The following SLC9A1 variants were observed in gnomAD, a reference collection of about 807,000 sequenced individuals.
SLC9A1 encodes the protein solute carrier family 9 member A1, also known as sodium/hydrogen exchanger 1.
A neutral mutation model predicts 67.9 loss-of-function variants in SLC9A1; 22 were observed. That is an observed-to-expected ratio of 0.32 (90% CI 0.23 to 0.46). SLC9A1 has a LOEUF of 0.46. SLC9A1 is among the 20% of genes least tolerant of loss of function. The probability of loss-of-function intolerance (pLI) is 1.00; values close to 1 mark genes in which losing one functional copy is unlikely to be tolerated. For synonymous variants in SLC9A1, 421 were observed against 471.8 expected, an observed-to-expected ratio of 0.89 and a Z score of 1.40; for missense variants, 686 against 1,094.8, an observed-to-expected ratio of 0.63 and a Z score of 5.27.
At chr1:27,146,689 G>A (rs878947967) in intron 1 of SLC9A1, among the ~76,000 whole-genome samples, 1 of 152,128 alleles carries the variant, frequency 6.6e-6, no homozygotes, top group South Asian at 2.1e-4. Context: ...TGAGGTGGGG[G>A]GATTGCCTGG....
At chr1:27,119,264 C>G (rs1221070631) in intron 1 of SLC9A1, among the ~76,000 whole-genome samples, 1 of 152,156 alleles carries the variant, frequency 6.6e-6, no homozygotes, top group African/African-American at 2.4e-5. Flanking sequence ...CCAGGGTGAC[C>G]AGACATGCCT....
At chr1:27,146,674 G>A (rs1557436205) in intron 1 of SLC9A1, among the ~76,000 whole-genome samples, 1 of 152,182 alleles carries the variant, frequency 6.6e-6, no homozygotes, top group African/African-American at 2.4e-5. Flanking sequence ...AGCTACTCAG[G>A]AGGCTGAGGT....
chr1:27,147,299 C>CAAAAAAAAAAAAAAAAAAAAAAAAA (rs57583944), intron 1 of SLC9A1, among the ~76,000 whole-genome samples: 1 of 43,938 alleles, frequency 2.3e-5, no homozygotes, highest in Non-Finnish European at 4.0e-5. Flanking sequence ...GACTCTGTCT[C>CAAAAAAAAAAAAAAAAAAAAAAAAA]AAAAAAAAAA....
At chr1:27,108,024 A>G (rs992495875) in intron 3 of SLC9A1, among the ~76,000 whole-genome samples, 159 bp from the exon 4 acceptor site, 1 of 148,502 alleles carries the variant, frequency 6.7e-6, no homozygotes, top group Admixed American at 6.7e-5. Context: ...CTTGCCACTC[A>G]TCCTCACATC....
At chr1:27,103,394 C>T (rs534580795) in intron 5 of SLC9A1, 82 bp from the exon 6 acceptor site, 36 of 971,336 alleles carry the variant, frequency 3.7e-5, no homozygotes, top group African/African-American at 2.9e-4. Flanking sequence ...TCACCCCAGG[C>T]CCCCAAGGCT....
intron 1 of SLC9A1, among the ~76,000 whole-genome samples, chr1:27,133,723 C>T (rs1005968451): frequency 6.6e-6 from 1 of 151,820 alleles, no homozygotes; most frequent in Non-Finnish European, 1.5e-5. Flanking sequence ...GCCTGGAAGT[C>T]CCTCAGCTAG....
intron 1 of SLC9A1, among the ~76,000 whole-genome samples, chr1:27,139,020 G>A (rs548058387): frequency 3.2e-4 from 48 of 152,194 alleles, no homozygotes; most frequent in Non-Finnish European, 5.3e-4. Context: ...AGGTGTGGTT[G>A]TGTTTGCCAC....
intron 5 of SLC9A1, chr1:27,103,941 G>GGCCC (rs1448251265): frequency 1.3e-5 from 2 of 152,398 alleles, no homozygotes; most frequent in Non-Finnish European, 2.9e-5. Flanking sequence ...TCTGGAGGGA[G>GGCCC]GCCCCCTCCC....
In SLC9A1 at chr1:27,118,516, T is replaced by A. The variant is rs2083285886; in HGVS notation, c.353-4230A>T. Reference sequence around the variant, plus strand: ...GAGTCCCCACAAAGAGCAGGATGCTTGCTGACACCCGGTGTGGTGAAAGGG... The same window carrying A: ...GAGTCCCCACAAAGAGCAGGATGCTAGCTGACACCCGGTGTGGTGAAAGGG... On this transcript the variant is annotated intron_variant, in intron 1 of 11. Transcript: ENST00000263980. This position sits in a 1 kb window ranked among gnomAD's most constrained non-coding sequence, Gnocchi z 4.3. Among the ~76,000 whole-genome samples the A allele has an allele frequency of 6.6e-6, 1 of 152,118 alleles. No homozygotes were observed. The highest frequency in any genetic ancestry group is 6.5e-5 in the Admixed American group (1 of 15,270).
rs1278454413 is a variant in SLC9A1, at chr1:27,109,887, A to G, written c.814-110T>C. The stretch of plus-strand genomic sequence containing the variant: ...CCCTCCGTTAACCATGGCCACAAGA[A>G]GAGGCCACACGGTAGCAGAGAAACC... On this transcript the variant is annotated intron_variant, in intron 2 of 11. Transcript: ENST00000263980. The surrounding 1 kb of genome is among the most constrained non-coding windows in gnomAD (Gnocchi z 5.5). 5 of 1,260,866 alleles carry G rather than the reference A, an allele frequency of 4.0e-6. No individual in the cohort carries two copies. The highest frequency in any genetic ancestry group is 2.7e-5 in the South Asian group (2 of 73,822). 78.1% of individuals were successfully genotyped at this position (1,260,866 alleles called of 1,614,324 possible). A position where few individuals can be genotyped will look rare whatever the true frequency, so the allele number is the denominator to read the frequency against.
At position 27,107,845 on chromosome 1, in the gene SLC9A1, AC is replaced by A; in HGVS notation, c.1084del (p.Val362Ter). ...GTTGGCCTCCACATAGGGGCGCATC[AC>A]CACTCCTGAGGCTATGAGCCTGGAG... is the stretch of plus-strand genomic sequence containing the variant. The part of the protein sequence containing the change: ...GIMALIASGV[V>X]MRPYVEANIS... On this transcript the variant is annotated frameshift_variant, in exon 4 of 12. Transcript: ENST00000263980. LOFTEE classifies it high-confidence loss of function. The A allele has an allele frequency of 6.2e-7, 1 of 1,604,026 alleles. No individual in the cohort carries two copies. The highest frequency in any genetic ancestry group is 8.5e-7 in the Non-Finnish European group (1 of 1,175,946).
chr1:27,119,049 AC>A (rs1557744378), intron 1 of SLC9A1, among the ~76,000 whole-genome samples: 1 of 135,420 alleles, frequency 7.4e-6, no homozygotes, highest in Non-Finnish European at 1.6e-5. Context: ...ACGAACACAC[AC>A]ACACACACAC....
At chr1:27,108,595 G>C (rs1459190045) in intron 3 of SLC9A1, among the ~76,000 whole-genome samples, 1 of 152,038 alleles carries the variant, frequency 6.6e-6, no homozygotes, top group South Asian at 2.1e-4. Context: ...GGAGAATCTC[G>C]AACTCAGAGG....
chr1:27,107,935 G>A (rs900780892), intron 3 of SLC9A1, 70 bp from the exon 4 acceptor site: 8 of 1,156,178 alleles, frequency 6.9e-6, no homozygotes, highest in Non-Finnish European at 8.8e-6. Context: ...CCACTGCCAG[G>A]GGCAATGGGG....
At chr1:27,105,609 C>G (rs1194994200) in intron 5 of SLC9A1, 5 of 664,900 alleles carry the variant, frequency 7.5e-6, no homozygotes, top group Non-Finnish European at 1.4e-5. Flanking sequence ...GTACCCACTT[C>G]TCTTAATGCT....
intron 5 of SLC9A1, chr1:27,103,797 C>T (rs1009257989): frequency 2.4e-5 from 4 of 167,582 alleles, no homozygotes; most frequent in Non-Finnish European, 5.3e-5. Context: ...TCTCCAATAT[C>T]CGCAACACTA....
Position 27,134,741 on chromosome 1 carries a change from C to T in SLC9A1, c.352+19242G>A, listed in dbSNP as rs78430998. Among the ~76,000 whole-genome samples, 1,178 of 152,248 alleles carry T rather than the reference C, an allele frequency of 7.7e-3. 14 individuals are homozygous for T. The highest frequency in any genetic ancestry group is 0.026 in the African/African-American group (1,090 of 41,532). ...AAGCTGCAAAAGAGTACAGACAGCA[C>T]GATTTTGTTTGTTTCAAGAGCAAAT... On this transcript the variant is annotated intron_variant, in intron 1 of 11. Transcript: ENST00000263980.
At chr1:27,108,348 C>CTT (rs2083204492) in intron 3 of SLC9A1, among the ~76,000 whole-genome samples, 1 of 145,876 alleles carries the variant, frequency 6.9e-6, no homozygotes, top group Non-Finnish European at 1.5e-5. Context: ...TTACAGGCGA[C>CTT]GAGCGCATGC....
intron 1 of SLC9A1, among the ~76,000 whole-genome samples, chr1:27,142,206 TC>T (rs1383459299): frequency 6.6e-6 from 1 of 152,192 alleles, no homozygotes; most frequent in Non-Finnish European, 1.5e-5. Flanking sequence ...CGGTCCACTG[TC>T]CAGGTCTTAC....
Sources: allele counts gnomAD v4.1 joint callset (sites outside exome capture counted in the v4.1 genomes callset), GRCh38; gene constraint gnomAD v4.1.1; non-coding constraint Gnocchi (gnomAD v3.1); transcripts MANE v1.5; gene names NCBI Gene and HGNC (gene_info 2026-07-23, HGNC 2026-07-21).